Variants in NSFL1C observed in about 807,000 individuals in gnomAD.
NSFL1C encodes the protein NSFL1 cofactor p47.
Under a neutral mutation model 43.1 loss-of-function variants are expected in NSFL1C, and 14 were observed. The ratio of observed to expected loss-of-function variants is 0.32; its 90% confidence interval spans 0.21 to 0.51. The LOEUF is 0.51. Ranked by LOEUF, NSFL1C falls within the 20% of genes least tolerant of loss-of-function variation. The probability of loss-of-function intolerance (pLI) is 0.98; values close to 1 mark genes in which losing one functional copy is unlikely to be tolerated. For synonymous variants in NSFL1C, 171 were observed against 183.5 expected, an observed-to-expected ratio of 0.93 and a Z score of 0.55; for missense variants, 406 against 472.5, an observed-to-expected ratio of 0.86 and a Z score of 1.30.
intron 2 of NSFL1C, among the ~76,000 whole-genome samples, chr20:1,458,905 G>T (rs2090356037): frequency 6.6e-6 from 1 of 150,716 alleles, no homozygotes; most frequent in Admixed American, 6.6e-5. Context: ...GGTTAGTCAA[G>T]AAGTATTTAT....
rs150422789 is a variant in NSFL1C at position 1,444,373 on chromosome 20, A to G, written c.951-462T>C. ...CCTTCCACGTTTCTGGGATGATCTGATTAGTGTCTCCTCCTGCAGCTCATG... is the reference window on the plus strand; with the variant it reads ...CCTTCCACGTTTCTGGGATGATCTGGTTAGTGTCTCCTCCTGCAGCTCATG... On this transcript the variant is annotated intron_variant, in intron 8 of 8. Coordinates refer to ENST00000216879, the MANE Select transcript of NSFL1C (RefSeq NM_016143.5). 2.0e-5 allele frequency among the ~76,000 whole-genome samples: 3 copies of G among 152,274 alleles called. No homozygotes were observed. In the East Asian group the frequency reaches 5.8e-4, roughly 29 times the overall value.
At chr20:1,463,945 G>A (rs1231653972) in intron 2 of NSFL1C, 4 of 188,734 alleles carry the variant, frequency 2.1e-5, no homozygotes, top group Non-Finnish European at 4.3e-5. Flanking sequence ...ATAAGGTAAC[G>A]GGCATCCTAA....
At chr20:1,445,421 A>G (rs544731773) in intron 8 of NSFL1C, among the ~76,000 whole-genome samples, 7 of 152,174 alleles carry the variant, frequency 4.6e-5, no homozygotes, top group Non-Finnish European at 8.8e-5. Context: ...TAATACTCTA[A>G]TTTTACAGAT....
In NSFL1C at chr20:1,458,459, G is replaced by C. The variant is rs147308059; in HGVS notation, c.204-185C>G. Among the ~76,000 whole-genome samples, 336 of 152,230 alleles carry C rather than the reference G, an allele frequency of 2.2e-3. 3 individuals carry two copies. The highest frequency in any genetic ancestry group is 7.8e-3 in the African/African-American group (323 of 41,516). On this transcript the variant is annotated intron_variant, in intron 2 of 8. Transcript: ENST00000216879. Reference sequence around the variant, plus strand: ...AATAATGTGGCATTTATTTTTTCAAGATCACACAGATTGAGTATAAATTAG... The same window carrying C: ...AATAATGTGGCATTTATTTTTTCAACATCACACAGATTGAGTATAAATTAG...
rs879432183 is a variant in NSFL1C, at chr20:1,442,438, AAGAG to A, written c.*1307_*1310del. On this transcript the variant is annotated 3_prime_UTR_variant, in exon 9 of 9. Coordinates refer to ENST00000216879, the MANE Select transcript of NSFL1C (RefSeq NM_016143.5). ...GGCTCATTGCAGGGGTGAAGCAGGA[AAGAG>A]AAAGAGACTGGTGAGGCCTGCTTGG... 1.3e-5 allele frequency: 2 copies of A among 152,282 alleles called. No homozygotes were observed. Among genetic ancestry groups the A allele is most frequent in the Non-Finnish European group, 2.9e-5 (2 of 68,094 alleles). 9.4% of individuals were successfully genotyped at this position (152,282 alleles called of 1,614,324 possible).
intron 1 of NSFL1C, among the ~76,000 whole-genome samples, chr20:1,465,212 T>C (rs764350796): frequency 3.9e-5 from 6 of 152,224 alleles, no homozygotes; most frequent in Admixed American, 1.3e-4. Context: ...CAAGAAAGCA[T>C]TGAGGTCACA....
Position 1,452,662 on chromosome 20 carries a change from AGAGAG to A in NSFL1C, c.648-37_648-33del, listed in dbSNP as rs774189521. On this transcript the variant is annotated intron_variant, in intron 6 of 8. Coordinates refer to ENST00000216879, the MANE Select transcript of NSFL1C (RefSeq NM_016143.5). ...AAGAAAAGGCCATGCTGAGGTCCAC[AGAGAG>A]AAGATGGAAATGACAGTGATGGGAA... The A allele has an allele frequency of 3.1e-6, 5 of 1,612,280 alleles. No homozygotes were observed. The East Asian group carries it at 1.1e-4, about 36-fold the overall frequency.
chr20:1,443,662 A>C lies in NSFL1C; in HGVS notation c.*87T>G. 6.9e-7 allele frequency: 1 copy of C among 1,449,054 alleles called. No homozygotes were observed. The highest frequency in any genetic ancestry group is 9.6e-7 in the Non-Finnish European group (1 of 1,043,502). 89.8% of individuals were successfully genotyped at this position (1,449,054 alleles called of 1,614,324 possible). ...CGTTGCACTGGACTGCTGGGTGTGCACAAGGGGGCAGGAGGGGCGATCCCC... is the reference window on the plus strand; with the variant it reads ...CGTTGCACTGGACTGCTGGGTGTGCCCAAGGGGGCAGGAGGGGCGATCCCC... On this transcript the variant is annotated 3_prime_UTR_variant, in exon 9 of 9. Coordinates refer to ENST00000216879, the MANE Select transcript of NSFL1C (RefSeq NM_016143.5).
intron 2 of NSFL1C, among the ~76,000 whole-genome samples, chr20:1,459,860 A>C (rs2090375592): frequency 6.6e-6 from 1 of 152,230 alleles, no homozygotes. Flanking sequence ...AGTTTCTTCC[A>C]ATGACTAGGC....
chr20:1,451,343 G>A (rs1156760680), intron 7 of NSFL1C, among the ~76,000 whole-genome samples: 1 of 152,216 alleles, frequency 6.6e-6, no homozygotes, highest in African/African-American at 2.4e-5. Flanking sequence ...AGCTCAGAGG[G>A]CATGGTTGTT....
Position 1,464,415 on chromosome 20 carries a change from C to T in NSFL1C, c.117G>A (p.Ala39=), listed in dbSNP as rs745630953. ...CATCCCCTCCGTCCTCATAAAAGCT[C>T]GCTAGCGCGATCTGAAACAGAGAGG... ...SAGWDLQIAL[A]SFYEDGGDED... is the part of the protein sequence containing the mutation. The change falls in exon 2 of 9, where the codon GCG becomes GCA. Residue 39 remains alanine (A), a synonymous_variant. Transcript: ENST00000216879. 103 of 1,614,120 alleles carry T rather than the reference C, an allele frequency of 6.4e-5. 1 individual carries two copies. In the East Asian group the frequency reaches 2.2e-3, roughly 35 times the overall value.
At chr20:1,446,904 GC>G (rs1245805239) in intron 7 of NSFL1C, among the ~76,000 whole-genome samples, 1 of 152,182 alleles carries the variant, frequency 6.6e-6, no homozygotes, top group East Asian at 1.9e-4. Context: ...GGTACTGAGA[GC>G]AAATCCAACT....
intron 4 of NSFL1C, among the ~76,000 whole-genome samples, chr20:1,454,640 G>A (rs2090257430): frequency 6.6e-6 from 1 of 152,190 alleles, no homozygotes; most frequent in Non-Finnish European, 1.5e-5. Context: ...TTTTCTCAAA[G>A]GAGACAGAAA....
Position 1,455,969 on chromosome 20 carries a change from A to G in NSFL1C, c.279-837T>C, listed in dbSNP as rs866205004. 20 of 561,414 alleles carry G rather than the reference A, an allele frequency of 3.6e-5. No homozygotes were observed. The Middle Eastern group carries it at 1.9e-3, about 53-fold the overall frequency. 34.8% of individuals were successfully genotyped at this position (561,414 alleles called of 1,614,324 possible). A position where few individuals can be genotyped will look rare whatever the true frequency, so the allele number is the denominator to read the frequency against. Reference sequence around the variant, plus strand: ...TGCAATAGGCCAGGCATGGCTTGAGATAATAAAGTTAGTACTTTTTTATAT... The same window carrying G: ...TGCAATAGGCCAGGCATGGCTTGAGGTAATAAAGTTAGTACTTTTTTATAT... On this transcript the variant is annotated intron_variant, in intron 3 of 8. Coordinates refer to ENST00000216879, the MANE Select transcript of NSFL1C (RefSeq NM_016143.5).
intron 3 of NSFL1C, chr20:1,455,863 T>G (rs758948200): frequency 1.4e-6 from 1 of 711,836 alleles, no homozygotes; most frequent in Non-Finnish European, 2.6e-6. Context: ...TGACACACAC[T>G]GTGGCCCCTG....
At chr20:1,454,499 T>C (rs527818762) in intron 4 of NSFL1C, among the ~76,000 whole-genome samples, 194 bp from the exon 5 acceptor site, 2 of 152,128 alleles carry the variant, frequency 1.3e-5, no homozygotes, top group Non-Finnish European at 2.9e-5. Context: ...GGTAAATGAA[T>C]TAGGTGGCCA....
intron 3 of NSFL1C, chr20:1,457,192 T>C (rs766563664): frequency 2.0e-5 from 3 of 152,188 alleles, no homozygotes; most frequent in Non-Finnish European, 4.4e-5. Flanking sequence ...TTACATGATG[T>C]TTTTTAAATT....
intron 3 of NSFL1C, 49 bp from the exon 4 acceptor site, chr20:1,455,181 A>G: frequency 1.9e-6 from 3 of 1,605,344 alleles, no homozygotes; most frequent in Non-Finnish European, 2.6e-6. Flanking sequence ...GAAAACATGA[A>G]TAGAGCATGT....
intron 2 of NSFL1C, among the ~76,000 whole-genome samples, chr20:1,461,410 A>G (rs763293502): frequency 3.3e-5 from 5 of 152,218 alleles, no homozygotes; most frequent in East Asian, 1.9e-4. Context: ...GGAAGGATGC[A>G]TGGGATTTGT....
Sources: allele counts gnomAD v4.1 joint callset (sites outside exome capture counted in the v4.1 genomes callset), GRCh38; gene constraint gnomAD v4.1.1; transcripts MANE v1.5; gene names NCBI Gene and HGNC (gene_info 2026-07-23, HGNC 2026-07-21).